GPC5: variants seen among roughly 807,000 people sequenced by gnomAD.
GPC5 encodes glypican 5, also known as glypican-5.
In GPC5, 47 loss-of-function variants were observed where a neutral mutation model predicts 53.9. The ratio of observed to expected loss-of-function variants is 0.87; its 90% confidence interval spans 0.69 to 1.11. The LOEUF (loss-of-function observed/expected upper bound fraction) is 1.11, where lower values mean the gene tolerates loss of function less well. Among genes scored for constraint, GPC5 ranks in the 50% most tolerant of loss-of-function variants. The pLI is 0.00. For missense variants in GPC5, 748 were observed against 713.1 expected, an observed-to-expected ratio of 1.05 and a Z score of -0.56; for synonymous variants, 286 against 263.3, an observed-to-expected ratio of 1.09 and a Z score of -0.84.
At chr13:91,402,436 C>G (rs1369764022) in intron 1 of GPC5, among the ~76,000 whole-genome samples, 1 of 152,182 alleles carries the variant, frequency 6.6e-6, no homozygotes, top group Admixed American at 6.5e-5. Flanking sequence ...GCTCCAAGGA[C>G]AGTGTAGTTT....
intron 7 of GPC5, among the ~76,000 whole-genome samples, chr13:92,234,294 C>G (rs568732178): frequency 3.3e-5 from 5 of 152,220 alleles, no homozygotes; most frequent in Non-Finnish European, 7.4e-5. Context: ...AAGTGTTCCT[C>G]TTTCTCCACA....
At chr13:91,789,429 T>C (rs982779133) in intron 5 of GPC5, among the ~76,000 whole-genome samples, 1 of 152,174 alleles carries the variant, frequency 6.6e-6, no homozygotes, top group African/African-American at 2.4e-5. Flanking sequence ...GTATTTGTAA[T>C]GTATCAAAGT....
chr13:91,696,955 A>G (rs2035891559), intron 3 of GPC5, among the ~76,000 whole-genome samples: 1 of 152,090 alleles, frequency 6.6e-6, no homozygotes, highest in Non-Finnish European at 1.5e-5. Context: ...GAGTTTACGC[A>G]TTTGCTTATT....
chr13:91,764,566 G>A (rs572839038), intron 5 of GPC5, among the ~76,000 whole-genome samples: 59 of 152,138 alleles, frequency 3.9e-4, no homozygotes, highest in Non-Finnish European at 3.7e-4. Flanking sequence ...TCCATAAACC[G>A]TGTAAATTCA....
chr13:92,822,651 TA>T (rs1482114355), intron 7 of GPC5, among the ~76,000 whole-genome samples: 5 of 152,216 alleles, frequency 3.3e-5, no homozygotes, highest in East Asian at 3.9e-4. Context: ...AAATGGGAGT[TA>T]AAGCGTTTGT....
At chr13:92,819,954 T>A (rs2138808847) in intron 7 of GPC5, among the ~76,000 whole-genome samples, 1 of 152,248 alleles carries the variant, frequency 6.6e-6, no homozygotes, top group African/African-American at 2.4e-5. Context: ...TATTCACTAC[T>A]TTTCCTAATC....
chr13:92,716,690 C>A (rs1888338883), intron 7 of GPC5, among the ~76,000 whole-genome samples: 2 of 152,020 alleles, frequency 1.3e-5, no homozygotes, highest in African/African-American at 2.4e-5. Context: ...AAAGTAGGAG[C>A]ATGATATTTT....
At chr13:91,799,882 A>G (rs948384698) in intron 5 of GPC5, among the ~76,000 whole-genome samples, 1 of 152,168 alleles carries the variant, frequency 6.6e-6, no homozygotes, top group Non-Finnish European at 1.5e-5. Context: ...AAGGTTGACA[A>G]CTTTTATTAA....
chr13:91,404,742 G>A (rs531236659), intron 1 of GPC5, among the ~76,000 whole-genome samples: 3 of 152,256 alleles, frequency 2.0e-5, no homozygotes, highest in Admixed American at 1.3e-4. Context: ...ATACTTCCAC[G>A]TTTTTATGGA....
chr13:92,771,509 A>AT (rs1177952756), intron 7 of GPC5, among the ~76,000 whole-genome samples: 2 of 151,600 alleles, frequency 1.3e-5, no homozygotes, highest in African/African-American at 4.9e-5. Context: ...TGCCCGGCTA[A>AT]TTTTTTTGCA....
At chr13:91,508,180 G>T (rs556900060) in intron 2 of GPC5, among the ~76,000 whole-genome samples, 128 of 152,198 alleles carry the variant, frequency 8.4e-4, no homozygotes, top group African/African-American at 2.9e-3. Flanking sequence ...CATAAAAAAA[G>T]GAATCATGGC....
chr13:91,939,392 G>A (rs9589372), intron 6 of GPC5, among the ~76,000 whole-genome samples: 50 of 152,192 alleles, frequency 3.3e-4, no homozygotes, highest in African/African-American at 1.1e-3. Flanking sequence ...AATATATGAC[G>A]TAGCCAAGGG....
At chr13:92,315,065 C>T (rs2043169991) in intron 7 of GPC5, among the ~76,000 whole-genome samples, 1 of 152,208 alleles carries the variant, frequency 6.6e-6, no homozygotes, top group South Asian at 2.1e-4. Context: ...GTATGAGCCA[C>T]TGCTCCTGGC....
At chr13:92,194,543 A>T (rs2139052011) in intron 7 of GPC5, among the ~76,000 whole-genome samples, 1 of 152,366 alleles carries the variant, frequency 6.6e-6, no homozygotes, top group East Asian at 1.9e-4. Context: ...CCTGTCTTAT[A>T]ATACTTTTGC....
intron 7 of GPC5, among the ~76,000 whole-genome samples, chr13:92,326,722 G>C (rs1424458851): frequency 6.6e-6 from 1 of 152,106 alleles, no homozygotes. Context: ...TTAATACTTG[G>C]TTAAGTCAAG....
intron 7 of GPC5, among the ~76,000 whole-genome samples, chr13:92,613,518 A>T (rs1424919570): frequency 5.5e-5 from 6 of 108,458 alleles, no homozygotes; most frequent in Admixed American, 3.6e-4. Context: ...ATAAAATATA[A>T]TATATAATTT....
chr13:91,803,685 T>G (rs1452756655), intron 5 of GPC5, among the ~76,000 whole-genome samples: 2 of 152,020 alleles, frequency 1.3e-5, no homozygotes. Context: ...TTAAATTAAT[T>G]TTTAAATTAA....
intron 6 of GPC5, among the ~76,000 whole-genome samples, chr13:91,967,230 G>C (rs1334519863): frequency 6.6e-6 from 1 of 152,068 alleles, no homozygotes; most frequent in East Asian, 1.9e-4. Flanking sequence ...CATGAGAACA[G>C]TAAAGAGAAA....
Position 91,693,274 on chromosome 13 carries a change from C to A in GPC5, c.413C>A (p.Ala138Asp), listed in dbSNP as rs555388978. ...TACAGGAACATGGCCTTGGAGGCTGCTGCTTCGGTTCAGGAGTTCTTCACT... is the reference window on the plus strand; with the variant it reads ...TACAGGAACATGGCCTTGGAGGCTGATGCTTCGGTTCAGGAGTTCTTCACT... ...STYRNMALEA[A>D]ASVQEFFTDV... is the part of the protein sequence containing the mutation. Residue 138 changes from alanine (A) to aspartate (D), a missense_variant, in exon 3 of 8, where the codon GCT becomes GAT. Transcript: ENST00000377067. 6.8e-6 allele frequency: 11 copies of A among 1,614,074 alleles called. No individual in the cohort carries two copies. Among genetic ancestry groups the A allele is most frequent in the Middle Eastern group, 1.7e-4 (1 of 6,060 alleles).
Sources: gnomAD v4.1 joint callset for allele counts (sites outside exome capture counted in the v4.1 genomes callset) on GRCh38, gnomAD v4.1.1 for gene constraint, MANE v1.5 for transcripts, NCBI Gene and HGNC (gene_info 2026-07-23, HGNC 2026-07-21) for gene names.